Variants in PCDHA1 observed in about 807,000 individuals in gnomAD.
PCDHA1 encodes the protein protocadherin alpha-1.
In PCDHA1, 42 loss-of-function variants were observed where a neutral mutation model predicts 61.3. That is an observed-to-expected ratio of 0.69 (90% CI 0.54 to 0.89). The LOEUF is 0.89. PCDHA1 is among the 40% of genes least tolerant of loss of function. The pLI, the probability that PCDHA1 is intolerant of heterozygous loss-of-function variation, is 0.00. For missense variants in PCDHA1, 1,256 were observed against 1,235.3 expected, an observed-to-expected ratio of 1.02 and a Z score of -0.25; for synonymous variants, 610 against 553.8, an observed-to-expected ratio of 1.10 and a Z score of -1.43.
chr5:140,869,654 C>G, intron 1 of PCDHA1: 2 of 1,613,446 alleles, frequency 1.2e-6, no homozygotes, highest in African/African-American at 1.3e-5. Context: ...GATTCACCAA[C>G]AAATGGTAAG....
intron 1 of PCDHA1, among the ~76,000 whole-genome samples, chr5:140,892,007 T>C (rs1285446962): frequency 1.3e-5 from 2 of 152,244 alleles, no homozygotes; most frequent in South Asian, 2.1e-4. Context: ...CATTCTGTTA[T>C]AGCAGCACAA....
intron 1 of PCDHA1, among the ~76,000 whole-genome samples, chr5:140,902,816 G>A (rs1447534950): frequency 6.6e-6 from 1 of 150,906 alleles, no homozygotes; most frequent in Non-Finnish European, 1.5e-5. Flanking sequence ...TACAATATTT[G>A]GTTTTCGATT....
rs139331486 is a variant in PCDHA1, at chr5:140,836,143, C to T, written c.2394+47459C>T. On this transcript the variant is annotated intron_variant, in intron 1 of 3. Coordinates refer to ENST00000504120, the MANE Select transcript of PCDHA1 (RefSeq NM_018900.4). ...GAGCTTGTGCCGCGGTCTGTGGGCG[C>T]GGGCCATGTGGTGGCGAAGGTACGT... 75 of 1,613,760 alleles carry T rather than the reference C, an allele frequency of 4.6e-5. 1 individual carries two copies. In the African/African-American group the frequency reaches 7.6e-4, roughly 16 times the overall value.
chr5:140,807,657 C>T, intron 1 of PCDHA1: 1 of 1,614,220 alleles, frequency 6.2e-7, no homozygotes, highest in Non-Finnish European at 8.5e-7. Flanking sequence ...CTAGAGGGCG[C>T]CTCGGATGCA....
At position 140,843,778 on chromosome 5, in the gene PCDHA1, G is replaced by C. The variant is rs2150366653; in HGVS notation, c.2394+55094G>C. 3.5e-6 allele frequency: 5 copies of C among 1,441,518 alleles called. No individual in the cohort carries two copies. The East Asian group carries it at 1.1e-4, about 33-fold the overall frequency. The allele number at this position is 1,441,518 out of a possible 1,614,324, so 89.3% of individuals were successfully genotyped here. A position where few individuals can be genotyped will look rare whatever the true frequency, so the allele number is the denominator to read the frequency against. On this transcript the variant is annotated intron_variant, in intron 1 of 3. Transcript: ENST00000504120. ...TGTGGAAATTGTAGTTACTTTAAAA[G>C]TGTTTCAGATTTAGTTTTTCACCGT...
chr5:140,980,360 G>A (rs1173525969), intron 2 of PCDHA1, among the ~76,000 whole-genome samples: 4 of 152,142 alleles, frequency 2.6e-5, no homozygotes, highest in Middle Eastern at 3.2e-3. Context: ...GACTGGGCGC[G>A]GTGGCTCACA....
intron 1 of PCDHA1, among the ~76,000 whole-genome samples, chr5:140,913,421 A>T (rs2076328410): frequency 6.6e-6 from 1 of 152,144 alleles, no homozygotes; most frequent in Non-Finnish European, 1.5e-5. Flanking sequence ...CTGCAGTATC[A>T]GTTGTAATGC....
At chr5:140,978,924 GA>G (rs781894146) in intron 1 of PCDHA1, 24 bp from the exon 2 acceptor site, 202 of 1,613,894 alleles carry the variant, frequency 1.3e-4, no homozygotes, top group Middle Eastern at 6.6e-4. Context: ...CATTTTAACA[GA>G]AAACTCTCTT....
At chr5:140,927,359 A>G in intron 1 of PCDHA1, 2 of 1,613,980 alleles carry the variant, frequency 1.2e-6, no homozygotes, top group Middle Eastern at 1.6e-4. Flanking sequence ...GAGGGAAGCA[A>G]TGGGATACTA....
At chr5:140,985,851 TG>T (rs1269261138) in intron 3 of PCDHA1, among the ~76,000 whole-genome samples, 1 of 149,322 alleles carries the variant, frequency 6.7e-6, no homozygotes, top group Non-Finnish European at 1.5e-5. Flanking sequence ...GCCACTCTCC[TG>T]CCTCAGCCTC....
chr5:140,942,619 TA>T (rs35075175), intron 1 of PCDHA1, among the ~76,000 whole-genome samples: 84,954 of 148,808 alleles, frequency 0.57, 24,471 homozygotes, highest in African/African-American at 0.7. Context: ...TTGCCAATTG[TA>T]AAAAAAAAAA....
chr5:141,000,392 T>TATAA (rs2097913276), intron 3 of PCDHA1, among the ~76,000 whole-genome samples: 1 of 62,986 alleles, frequency 1.6e-5, no homozygotes, highest in African/African-American at 7.3e-5. Context: ...TCTCTCTCTC[T>TATAA]CTCTATATAT....
chr5:140,892,158 T>A (rs1442080527), intron 1 of PCDHA1, among the ~76,000 whole-genome samples: 2 of 152,242 alleles, frequency 1.3e-5, no homozygotes, highest in Non-Finnish European at 2.9e-5. Context: ...ATTTCTGATA[T>A]GTCCAGTAAC....
chr5:140,870,675 C>G, intron 1 of PCDHA1: 1 of 1,612,672 alleles, frequency 6.2e-7, no homozygotes, highest in Non-Finnish European at 8.5e-7. Context: ...CGTTGGACCA[C>G]GAGGAGCTGG....
Position 140,835,939 on chromosome 5 carries a change from C to T in PCDHA1, c.2394+47255C>T, listed in dbSNP as rs1352596879. ...CACGCGGAGAGCGGCAAGGTGTACGCGCTGCAGCCGTTGGACCACGAGGAG... is the reference window on the plus strand; with the variant it reads ...CACGCGGAGAGCGGCAAGGTGTACGTGCTGCAGCCGTTGGACCACGAGGAG... On this transcript the variant is annotated intron_variant, in intron 1 of 3. Coordinates refer to ENST00000504120, the MANE Select transcript of PCDHA1 (RefSeq NM_018900.4). 4 of 1,612,400 alleles carry T rather than the reference C, an allele frequency of 2.5e-6. No homozygotes were observed. The African/African-American group carries it at 5.3e-5, about 22-fold the overall frequency.
intron 1 of PCDHA1, chr5:140,807,503 C>G (rs1581685370): frequency 6.2e-7 from 1 of 1,613,826 alleles, no homozygotes; most frequent in Non-Finnish European, 8.5e-7. Context: ...CAGCATCCAC[C>G]TGGAGGTGAT....
At chr5:140,966,063 C>T (rs2095963895) in intron 1 of PCDHA1, 1 of 153,130 alleles carries the variant, frequency 6.5e-6, no homozygotes, top group African/African-American at 2.4e-5. Flanking sequence ...CAGAGCGCCT[C>T]CCCCTGCGTT....
chr5:140,833,693 T>C (rs1463559850), intron 1 of PCDHA1, among the ~76,000 whole-genome samples: 1 of 152,176 alleles, frequency 6.6e-6, no homozygotes, highest in African/African-American at 2.4e-5. Flanking sequence ...TCTCTTATTT[T>C]GTTTTCCCAA....
At chr5:140,915,572 C>A (rs2077180575) in intron 1 of PCDHA1, among the ~76,000 whole-genome samples, 1 of 151,988 alleles carries the variant, frequency 6.6e-6, no homozygotes, top group Non-Finnish European at 1.5e-5. Flanking sequence ...ATCTGGATTG[C>A]CAGGCAAAAG....
Sources: allele counts gnomAD v4.1 joint callset (sites outside exome capture counted in the v4.1 genomes callset), GRCh38; gene constraint gnomAD v4.1.1; transcripts MANE v1.5; gene names NCBI Gene and HGNC (gene_info 2026-07-23, HGNC 2026-07-21).